The following KANK3 variants were observed in gnomAD, a reference collection of about 807,000 sequenced individuals.
KANK3 encodes the protein KN motif and ankyrin repeat domain-containing protein 3.
KANK3 carries 61 observed loss-of-function variants against 65.4 expected under a neutral mutation model. That is an observed-to-expected ratio of 0.93 (90% confidence interval 0.76 to 1.15). The LOEUF (loss-of-function observed/expected upper bound fraction) is 1.15, where lower values mean the gene tolerates loss of function less well. KANK3 is among the 50% of genes most tolerant of loss of function. KANK3 has a pLI of 0.00. For missense variants in KANK3, 1,187 were observed against 1,178.8 expected (o/e 1.01, Z -0.10); for synonymous variants, 586 against 543.3 (o/e 1.08, Z -1.09).
At chr19:8,327,369 C>T (rs10412891) in intron 7 of KANK3, among the ~76,000 whole-genome samples, 40,266 of 151,774 alleles carry the variant, frequency 0.27, 5,592 homozygotes, top group African/African-American at 0.34. Context: ...CGGTGGCTCA[C>T]GTCTGTAATC....
intron 7 of KANK3, among the ~76,000 whole-genome samples, chr19:8,330,920 G>A (rs1210524206): frequency 2.0e-5 from 3 of 150,716 alleles, no homozygotes; most frequent in Non-Finnish European, 4.4e-5. Flanking sequence ...AAACAAGGCC[G>A]GGCAAAGCGG....
chr19:8,331,836 C>A (rs899579312), intron 7 of KANK3, among the ~76,000 whole-genome samples: 3 of 152,070 alleles, frequency 2.0e-5, no homozygotes, highest in African/African-American at 7.2e-5. Flanking sequence ...GGGAGGGAGG[C>A]CTTGCCAACC....
chr19:8,323,110 G>A, intron 10 of KANK3, 188 bp from the exon 11 acceptor site: 1 of 449,336 alleles, frequency 2.2e-6, no homozygotes, highest in Non-Finnish European at 4.0e-6. Flanking sequence ...CTTCCAGTGG[G>A]GTGAGTACAG....
intron 7 of KANK3, among the ~76,000 whole-genome samples, chr19:8,331,866 A>T: frequency 6.6e-6 from 1 of 152,110 alleles, no homozygotes; most frequent in East Asian, 1.9e-4. Context: ...AAGCAAGATT[A>T]AATAATGCCC....
intron 2 of KANK3, among the ~76,000 whole-genome samples, chr19:8,336,579 T>C (rs1194063237): frequency 2.6e-5 from 3 of 115,874 alleles, no homozygotes; most frequent in Non-Finnish European, 5.4e-5. Context: ...TCCAAAAATA[T>C]ATATATACAC....
intron 1 of KANK3, among the ~76,000 whole-genome samples, chr19:8,341,401 A>G (rs984105048): frequency 5.3e-5 from 8 of 151,280 alleles, no homozygotes. Flanking sequence ...ATTCAGGCTA[A>G]TATTTTAAAT....
chr19:8,338,068 C>T (rs1425600235), intron 1 of KANK3: 3 of 712,348 alleles, frequency 4.2e-6, no homozygotes, highest in African/African-American at 4.3e-5. Context: ...GTCACCCAGG[C>T]TGGAGTGCAA....
chr19:8,326,217 G>T (rs903282340), intron 7 of KANK3, among the ~76,000 whole-genome samples: 2 of 151,750 alleles, frequency 1.3e-5, no homozygotes, highest in Non-Finnish European at 2.9e-5. Flanking sequence ...ATCACTTGAG[G>T]TCAGGAGTTC....
At chr19:8,338,768 G>A (rs552289814) in intron 1 of KANK3, among the ~76,000 whole-genome samples, 2 of 151,302 alleles carry the variant, frequency 1.3e-5, no homozygotes, top group Admixed American at 6.6e-5. Context: ...CCAGCTACTC[G>A]GGAGGCTGAG....
chr19:8,338,241 C>T (rs1372994477), intron 1 of KANK3, among the ~76,000 whole-genome samples: 6 of 151,700 alleles, frequency 4.0e-5, no homozygotes, highest in African/African-American at 9.7e-5. Context: ...AGGCTGGTCT[C>T]GAACTCCTGA....
chr19:8,342,995 G>A (rs1010825426), intron 1 of KANK3, among the ~76,000 whole-genome samples: 2 of 152,180 alleles, frequency 1.3e-5, no homozygotes, highest in African/African-American at 4.8e-5. Flanking sequence ...GCTCCCGAAG[G>A]GCGAGAGGGG....
chr19:8,333,153 C>A lies in KANK3; in HGVS notation c.1797G>T (p.Arg599Ser). 1 of 1,613,076 alleles carries A rather than the reference C, an allele frequency of 6.2e-7. No homozygotes were observed. The highest frequency in any genetic ancestry group is 8.5e-7 in the Non-Finnish European group (1 of 1,179,944). Residue 599 changes from arginine (R) to serine (S), a missense_variant, in exon 7 of 11, where the codon AGG (arginine) becomes AGT (serine). Physicochemically the swap from Arg to Ser is moderately radical, Grantham distance 110. Around this residue, in one of 3 missense-constraint regions of KANK3, gnomAD observed 1,078 missense variants for 1,038.2 expected, o/e 1.04. Coordinates refer to ENST00000330915, the MANE Select transcript of KANK3 (RefSeq NM_198471.3). The surrounding 1 kb of genome is among the most constrained non-coding windows in gnomAD (Gnocchi z 5.0). Reference sequence around the variant, plus strand: ...CCAGGCGCCTCACCCCTTCCAGCATCCTGGCCACGGGCTCCGCCTGAGAGC... The same window carrying A: ...CCAGGCGCCTCACCCCTTCCAGCATACTGGCCACGGGCTCCGCCTGAGAGC... ...QRRSQAEPVA[R>S]MLEGVRRLGP...
chr19:8,327,897 T>C (rs1970456638), intron 7 of KANK3, among the ~76,000 whole-genome samples: 1 of 151,990 alleles, frequency 6.6e-6, no homozygotes, highest in Admixed American at 6.6e-5. Flanking sequence ...ATAACCAGAG[T>C]GGGGTCCTTG....
At chr19:8,332,982 TG>T in intron 7 of KANK3, 31 bp downstream of exon 7, 2 of 487,290 alleles carry the variant, frequency 4.1e-6, no homozygotes, top group Non-Finnish European at 4.1e-6. Context: ...ACCCATTTCC[TG>T]GTGTCCCACC....
intron 1 of KANK3, among the ~76,000 whole-genome samples, chr19:8,338,900 G>A (rs12151317): frequency 0.33 from 18,466 of 55,274 alleles, 2,871 homozygotes; most frequent in African/African-American, 0.44. Context: ...AAAAAAAAAA[G>A]GATGTAATTG....
chr19:8,327,336 C>G (rs1424724514), intron 7 of KANK3, among the ~76,000 whole-genome samples: 1 of 151,852 alleles, frequency 6.6e-6, no homozygotes, highest in African/African-American at 2.4e-5. Flanking sequence ...ACCCCCCCAT[C>G]TCTTAAAAAA....
In KANK3 at chr19:8,322,793, G is replaced by T; in HGVS notation, c.*46C>A. On this transcript the variant is annotated 3_prime_UTR_variant, in exon 11 of 11. Coordinates refer to ENST00000330915, the MANE Select transcript of KANK3 (RefSeq NM_198471.3). ...TGCGCCAAAGGCTGAGGTGACTGACGAGGAGATCTCCCCACAGCTAGGTGT... is the reference window on the plus strand; with the variant it reads ...TGCGCCAAAGGCTGAGGTGACTGACTAGGAGATCTCCCCACAGCTAGGTGT... The T allele has an allele frequency of 7.0e-7, 1 of 1,422,766 alleles. No homozygotes were observed. The highest frequency in any genetic ancestry group is 9.9e-7 in the Non-Finnish European group (1 of 1,011,296). 88.1% of individuals were successfully genotyped at this position (1,422,766 alleles called of 1,614,324 possible). A position where few individuals can be genotyped will look rare whatever the true frequency, so the allele number is the denominator to read the frequency against.
chr19:8,336,226 A>G (rs1970635155), intron 2 of KANK3, among the ~76,000 whole-genome samples: 3 of 152,182 alleles, frequency 2.0e-5, no homozygotes, highest in Admixed American at 6.5e-5. Flanking sequence ...ACCTGAGGTC[A>G]GGAGTTCCAG....
In KANK3 at chr19:8,324,476, G is replaced by A. The variant is rs375037304; in HGVS notation, c.2355C>T (p.His785=). The A allele has an allele frequency of 8.1e-6, 13 of 1,610,684 alleles. No homozygotes were observed. The highest frequency in any genetic ancestry group is 1.7e-4 in the Middle Eastern group (1 of 6,060). The change falls in exon 10 of 11, where the codon CAC becomes CAT. Residue 785 remains histidine, a synonymous_variant. Transcript: ENST00000330915. ...GGGTGTCGGGCTGGCCCGAGCTCAG[G>A]TGGGCATGTAGCAGAGCGGCCACCT... ...QDEVAALLHA[H]LSSGQPDTQS... is the part of the protein sequence containing the mutation.
Sources: allele counts gnomAD v4.1 joint callset (sites outside exome capture counted in the v4.1 genomes callset), GRCh38; gene constraint gnomAD v4.1.1; regional missense constraint gnomAD v4.1.1; non-coding constraint Gnocchi (gnomAD v3.1); transcripts MANE v1.5; gene names NCBI Gene and HGNC (gene_info 2026-07-23, HGNC 2026-07-21).